PCDHA4: variants seen among roughly 807,000 people sequenced by gnomAD.
The protein encoded by PCDHA4 is protocadherin alpha-4.
In PCDHA4, 49 loss-of-function variants were observed where a neutral mutation model predicts 61.4. The observed-to-expected ratio is 0.80, with a 90% CI of 0.63 to 1.01. PCDHA4 has a LOEUF of 1.01. PCDHA4 is among the 50% of genes least tolerant of loss of function. PCDHA4 has a pLI of 0.00. For missense variants in PCDHA4, 1,254 were observed against 1,235.8 expected, an observed-to-expected ratio of 1.01 and a Z score of -0.22; for synonymous variants, 590 against 550.3, an observed-to-expected ratio of 1.07 and a Z score of -1.01.
At chr5:140,877,471 G>T (rs2057146762) in intron 1 of PCDHA4, 1 of 1,613,828 alleles carries the variant, frequency 6.2e-7, no homozygotes, top group South Asian at 1.1e-5. Flanking sequence ...CACGGTGCTG[G>T]TGTCGCTGGT....
At chr5:140,993,023 G>C (rs2097537603) in intron 3 of PCDHA4, among the ~76,000 whole-genome samples, 1 of 152,146 alleles carries the variant, frequency 6.6e-6, no homozygotes. Flanking sequence ...AGCATCCCCT[G>C]TGGGCTCCGT....
At position 141,009,850 on chromosome 5, in the gene PCDHA4, CAAGAAAAAG is replaced by C. The variant is rs782749911; in HGVS notation, c.2772_2780del (p.Lys925_Lys927del). 6.2e-6 allele frequency: 10 copies of C among 1,613,454 alleles called. No individual in the cohort carries two copies. The highest frequency in any genetic ancestry group is 1.7e-5 in the Admixed American group (1 of 59,950). ...TAACCTTCGGCAAAAAGGAGGAGAC[CAAGAAAAAG>C]AAGAAAAAGAAGAAGGGTAACAAGA... is the stretch of plus-strand genomic sequence containing the variant. On this transcript the variant is annotated inframe_deletion, in exon 4 of 4. Coordinates refer to ENST00000530339, the MANE Select transcript of PCDHA4 (RefSeq NM_018907.4).
chr5:140,898,999 A>G (rs2067088188), intron 1 of PCDHA4, among the ~76,000 whole-genome samples: 2 of 151,690 alleles, frequency 1.3e-5, no homozygotes, highest in African/African-American at 4.8e-5. Context: ...TTTGTCTGTT[A>G]TTGGTGTATA....
At chr5:140,841,570 T>G in intron 1 of PCDHA4, 2 of 1,613,936 alleles carry the variant, frequency 1.2e-6, no homozygotes, top group Non-Finnish European at 8.5e-7. Context: ...AGAATGGCAT[T>G]TTGTTTGTGA....
At chr5:140,876,861 C>T (rs2056651575) in intron 1 of PCDHA4, 6 of 1,613,970 alleles carry the variant, frequency 3.7e-6, no homozygotes, top group African/African-American at 1.3e-5. Context: ...ACACAGTGTT[C>T]GTGAAGGAGA....
chr5:140,826,672 G>A (rs1290845533), intron 1 of PCDHA4, among the ~76,000 whole-genome samples: 2 of 152,028 alleles, frequency 1.3e-5, no homozygotes, highest in South Asian at 2.1e-4. Context: ...AATTGTAGAC[G>A]TAATTAAAAA....
Position 140,821,900 on chromosome 5 carries a change from C to G in PCDHA4, c.2385+12328C>G, listed in dbSNP as rs2150111777. 5 of 1,614,206 alleles carry G rather than the reference C, an allele frequency of 3.1e-6. No individual in the cohort carries two copies. Among genetic ancestry groups the G allele is most frequent in the African/African-American group, 1.3e-5 (1 of 75,068 alleles). ...ATCCCGGAGGAAGCCAAACACGGAACCTTCGTTGGCCGCATCGCGCAGGAC... is the reference window on the plus strand; with the variant it reads ...ATCCCGGAGGAAGCCAAACACGGAAGCTTCGTTGGCCGCATCGCGCAGGAC... On this transcript the variant is annotated intron_variant, in intron 1 of 3. Transcript: ENST00000530339.
intron 1 of PCDHA4, among the ~76,000 whole-genome samples, chr5:140,871,786 T>G (rs2053308227): frequency 6.6e-6 from 1 of 152,224 alleles, no homozygotes; most frequent in African/African-American, 2.4e-5. Flanking sequence ...GTCACTTGAG[T>G]AGAAATAATT....
At chr5:140,841,117 A>G (rs2150311332) in intron 1 of PCDHA4, 7 of 622,834 alleles carry the variant, frequency 1.1e-5, no homozygotes, top group South Asian at 9.0e-5. Flanking sequence ...TAATTCATGT[A>G]ATCATTACCT....
Position 140,869,207 on chromosome 5 carries a change from T to C in PCDHA4, c.2385+59635T>C, listed in dbSNP as rs781925229. ...GGGAGCGGCCAGCTCCACTACTCCG[T>C]CTCGGAGGAGGCCAAACACGGCACC... On this transcript the variant is annotated intron_variant, in intron 1 of 3. Transcript: ENST00000530339. 3.7e-6 allele frequency: 6 copies of C among 1,613,842 alleles called. No homozygotes were observed. The African/African-American group carries it at 5.3e-5, about 14-fold the overall frequency.
intron 1 of PCDHA4, among the ~76,000 whole-genome samples, chr5:140,820,184 T>C (rs1404871030): frequency 2.6e-5 from 4 of 151,968 alleles, no homozygotes; most frequent in Non-Finnish European, 5.9e-5. Context: ...GTCTGGGAAA[T>C]TGATTTGTGT....
At chr5:140,889,169 G>A (rs2062128594) in intron 1 of PCDHA4, among the ~76,000 whole-genome samples, 1 of 151,182 alleles carries the variant, frequency 6.6e-6, no homozygotes, top group African/African-American at 2.4e-5. Flanking sequence ...AAGTATTCAA[G>A]TTATAAATAA....
At chr5:140,924,209 A>T (rs1470255016) in intron 1 of PCDHA4, among the ~76,000 whole-genome samples, 1 of 152,242 alleles carries the variant, frequency 6.6e-6, no homozygotes, top group Non-Finnish European at 1.5e-5. Flanking sequence ...AAATTTGGTG[A>T]AGAATAAGTT....
intron 1 of PCDHA4, chr5:140,842,584 T>C (rs1245274554): frequency 1.3e-6 from 2 of 1,519,626 alleles, no homozygotes. Context: ...TGTCGGCCTA[T>C]GAGTTGGTGG....
chr5:140,927,910 C>A lies in PCDHA4; in HGVS notation c.2386-51039C>A, dbSNP rs782484227. 2.5e-6 allele frequency: 4 copies of A among 1,614,216 alleles called. No homozygotes were observed. In the South Asian group the frequency reaches 3.3e-5, roughly 13 times the overall value. On this transcript the variant is annotated intron_variant, in intron 1 of 3. Transcript: ENST00000530339. ...TGACGTGAACGATCATGCCCCCGAACTGGACTTCCTGACTCTTTCGAACCC... is the reference window on the plus strand; with the variant it reads ...TGACGTGAACGATCATGCCCCCGAAATGGACTTCCTGACTCTTTCGAACCC...
chr5:140,838,122 GTGTGTGTGTT>G (rs1205252659), intron 1 of PCDHA4, among the ~76,000 whole-genome samples: 1 of 144,084 alleles, frequency 6.9e-6, no homozygotes, highest in Admixed American at 7.0e-5. Context: ...GTGTGTGTGT[GTGTGTGTGTT>G]TGACAGAGTT....
intron 1 of PCDHA4, chr5:140,869,512 G>A (rs782635875): frequency 1.9e-6 from 3 of 1,614,072 alleles, no homozygotes; most frequent in Admixed American, 3.3e-5. Flanking sequence ...CTCGCTCAGA[G>A]AACAAAAGCT....
chr5:140,814,252 A>G (rs1554126453), intron 1 of PCDHA4: 1 of 152,422 alleles, frequency 6.6e-6, no homozygotes, highest in African/African-American at 2.4e-5. Flanking sequence ...ATGAAGATAT[A>G]AACACCCATA....
At chr5:140,996,926 T>C (rs569386997) in intron 3 of PCDHA4, among the ~76,000 whole-genome samples, 4 of 152,320 alleles carry the variant, frequency 2.6e-5, no homozygotes, top group Middle Eastern at 3.4e-3. Flanking sequence ...TTAAAAAATA[T>C]AGCATTTTTG....
Sources: gnomAD v4.1 joint callset for allele counts (sites outside exome capture counted in the v4.1 genomes callset) on GRCh38, gnomAD v4.1.1 for gene constraint, MANE v1.5 for transcripts, NCBI Gene and HGNC (gene_info 2026-07-23, HGNC 2026-07-21) for gene names.